PCDH15: variants seen among roughly 807,000 people sequenced by gnomAD.
PCDH15 encodes protocadherin-15.
In PCDH15, 129 loss-of-function variants were observed where a neutral mutation model predicts 178.5. That is an observed-to-expected ratio of 0.72 (90% CI 0.63 to 0.84). The LOEUF is 0.84. Ranked by LOEUF, PCDH15 falls within the 40% of genes least tolerant of loss-of-function variation. The pLI, the probability that PCDH15 is intolerant of heterozygous loss-of-function variation, is 0.00. For synonymous variants in PCDH15, 800 were observed against 732.0 expected, an observed-to-expected ratio of 1.09 and a Z score of -1.50; for missense variants, 2,230 against 2,099.9, an observed-to-expected ratio of 1.06 and a Z score of -1.21.
intron 3 of PCDH15, among the ~76,000 whole-genome samples, chr10:54,518,029 A>T (rs2082410953): frequency 6.6e-6 from 1 of 152,212 alleles, no homozygotes. Flanking sequence ...CAAAGACGCA[A>T]TATACCAGAA....
chr10:55,477,627 C>T (rs111258995), intron 2 of PCDH15, among the ~76,000 whole-genome samples: 87 of 151,894 alleles, frequency 5.7e-4, no homozygotes, highest in Non-Finnish European at 1.1e-3. Context: ...TGTGATTTCG[C>T]AAGAGATGCC....
At chr10:54,755,893 C>G (rs1196830409) in intron 1 of PCDH15, among the ~76,000 whole-genome samples, 1 of 152,046 alleles carries the variant, frequency 6.6e-6, no homozygotes, top group Non-Finnish European at 1.5e-5. Flanking sequence ...ACAATGGATG[C>G]TAACTGGATG....
intron 13 of PCDH15, among the ~76,000 whole-genome samples, chr10:54,167,629 C>T (rs146992850): frequency 0.3 from 45,084 of 151,580 alleles, 7,054 homozygotes; most frequent in African/African-American, 0.37. Flanking sequence ...GTCTCTAACC[C>T]TTCTCTGCTT....
chr10:53,993,386 C>A (rs889387847), intron 21 of PCDH15, among the ~76,000 whole-genome samples: 2 of 152,154 alleles, frequency 1.3e-5, no homozygotes, highest in Non-Finnish European at 2.9e-5. Flanking sequence ...AGAATACAAA[C>A]TGAAATAAGT....
intron 2 of PCDH15, among the ~76,000 whole-genome samples, chr10:55,609,687 T>C (rs1441511985): frequency 2.6e-5 from 4 of 152,110 alleles, no homozygotes; most frequent in African/African-American, 7.2e-5. Flanking sequence ...AAAATCATAA[T>C]CGTGCTATCT....
chr10:55,289,705 T>C (rs1449818098), intron 1 of PCDH15, among the ~76,000 whole-genome samples: 1 of 152,110 alleles, frequency 6.6e-6, no homozygotes, highest in East Asian at 1.9e-4. Flanking sequence ...TATCTATTGC[T>C]ATGGTTTGAA....
chr10:54,084,550 C>T (rs542988335), intron 16 of PCDH15, among the ~76,000 whole-genome samples: 2 of 152,148 alleles, frequency 1.3e-5, no homozygotes, highest in African/African-American at 4.8e-5. Flanking sequence ...GGGAGGATCA[C>T]GTAAGCCTAG....
intron 15 of PCDH15, among the ~76,000 whole-genome samples, chr10:54,121,075 G>T (rs75687187): frequency 1.4e-5 from 1 of 69,128 alleles, no homozygotes; most frequent in African/African-American, 3.7e-5. Flanking sequence ...AAAAAAAAAA[G>T]AAATCACAGC....
chr10:54,845,540 T>G (rs1338602935), intron 3 of PCDH15, among the ~76,000 whole-genome samples: 1 of 152,126 alleles, frequency 6.6e-6, no homozygotes, highest in African/African-American at 2.4e-5. Flanking sequence ...AAATTCTGCA[T>G]GTAATTGGGC....
intron 3 of PCDH15, among the ~76,000 whole-genome samples, chr10:54,444,052 T>A (rs561899189): frequency 6.6e-6 from 1 of 151,832 alleles, no homozygotes; most frequent in African/African-American, 2.4e-5. Flanking sequence ...TCATTCTTTT[T>A]AAAACTAATT....
At chr10:54,028,311 G>A (rs1197592648) in intron 18 of PCDH15, among the ~76,000 whole-genome samples, 2 of 149,676 alleles carry the variant, frequency 1.3e-5, no homozygotes, top group African/African-American at 2.5e-5. Flanking sequence ...AGGATGTGGA[G>A]AAATAGGAAC....
chr10:53,875,830 G>A (rs181202449), intron 26 of PCDH15, among the ~76,000 whole-genome samples: 79 of 152,162 alleles, frequency 5.2e-4, no homozygotes, highest in African/African-American at 1.5e-3. Flanking sequence ...GGGGAGTAGG[G>A]GAGACCATTA....
At chr10:54,861,921 G>C (rs1181061658) in intron 3 of PCDH15, among the ~76,000 whole-genome samples, 3 of 152,150 alleles carry the variant, frequency 2.0e-5, no homozygotes, top group Non-Finnish European at 4.4e-5. Context: ...GAAGTGCATA[G>C]AGCTGCTAGG....
rs958092001 is a variant in PCDH15, at chr10:54,020,247, A to C, written c.2696T>G (p.Phe899Cys). 7.4e-6 allele frequency: 12 copies of C among 1,613,662 alleles called. No individual in the cohort carries two copies. The highest frequency in any genetic ancestry group is 1.0e-5 in the Non-Finnish European group (12 of 1,179,786). The change falls in exon 20 of 38, where the codon TTT (phenylalanine) becomes TGT (cysteine). Residue 899 changes from phenylalanine to cysteine, a missense_variant. Physicochemically the swap from Phe to Cys is radical, Grantham distance 205. Transcript: ENST00000644397. ...EASITFLVEA[F>C]DIYGTMPPGI... ...AGGTGGCATTGTTCCATAAATATCA[A>C]AGGCCTCTACCAGAAAAGTGATACT...
rs866960263 is a variant in PCDH15 at position 53,978,660 on chromosome 10, T to G, written c.2869-16768A>C. The stretch of plus-strand genomic sequence containing the variant: ...CTGGAATTCCTCTCCAGAAAATGTT[T>G]TTTTTTTTTTTTTTCTACTGCATCA... On this transcript the variant is annotated intron_variant, in intron 21 of 37. Transcript: ENST00000644397. 5.1e-3 allele frequency among the ~76,000 whole-genome samples: 449 copies of G among 88,356 alleles called. 6 individuals carry two copies. Among genetic ancestry groups the G allele is most frequent in the Admixed American group, 0.012 (113 of 9,472 alleles). 58.0% of individuals were successfully genotyped at this position (88,356 alleles called of 152,430 possible). A position where few individuals can be genotyped will look rare whatever the true frequency, so the allele number is the denominator to read the frequency against.
At chr10:55,499,202 C>T (rs1840599939) in intron 2 of PCDH15, among the ~76,000 whole-genome samples, 1 of 151,752 alleles carries the variant, frequency 6.6e-6, no homozygotes, top group Non-Finnish European at 1.5e-5. Context: ...CTGACCTACA[C>T]AAATGAAGCA....
chr10:54,378,879 T>A lies in PCDH15; in HGVS notation c.221A>T (p.Glu74Val). The change falls in exon 4 of 38, where the codon GAA (glutamate) becomes GTA (valine). Residue 74 changes from glutamate to valine, a missense_variant. By Grantham distance (121) the Glu-to-Val change is moderately radical. Transcript: ENST00000644397. ...GTAGGPDPTI[E>V]LSLKDNVDYW... ...ATCCACATTATCCTTTAAAGAAAGT[T>A]CTATGGTGGGGTCTGGTCCTCCAGC... 1 of 1,613,828 alleles carries A rather than the reference T, an allele frequency of 6.2e-7. No individual in the cohort carries two copies. Among genetic ancestry groups the A allele is most frequent in the Non-Finnish European group, 8.5e-7 (1 of 1,179,824 alleles).
intron 3 of PCDH15, among the ~76,000 whole-genome samples, chr10:54,465,577 C>T (rs2077464052): frequency 6.6e-6 from 1 of 152,014 alleles, no homozygotes; most frequent in African/African-American, 2.4e-5. Flanking sequence ...TTATTTCATG[C>T]ATTTTTATGG....
intron 3 of PCDH15, among the ~76,000 whole-genome samples, chr10:54,403,826 T>A (rs1952252346): frequency 6.6e-6 from 1 of 150,868 alleles, no homozygotes; most frequent in Admixed American, 6.6e-5. Flanking sequence ...AGGAAATCAA[T>A]CCCATTCATA....
Sources: gnomAD v4.1 joint callset for allele counts (sites outside exome capture counted in the v4.1 genomes callset) on GRCh38, gnomAD v4.1.1 for gene constraint, MANE v1.5 for transcripts, NCBI Gene and HGNC (gene_info 2026-07-23, HGNC 2026-07-21) for gene names.